The following FRAS1 variants were observed in gnomAD, a reference collection of about 807,000 sequenced individuals.
FRAS1 encodes the protein Fraser extracellular matrix complex subunit 1.
Under a neutral mutation model 435.2 loss-of-function variants are expected in FRAS1, and 290 were observed. That is an observed-to-expected ratio of 0.67 (90% confidence interval 0.61 to 0.73). FRAS1 has a LOEUF of 0.73. Ranked by LOEUF, FRAS1 falls within the 30% of genes least tolerant of loss-of-function variation. The probability of loss-of-function intolerance (pLI) is 0.00; values close to 1 mark genes in which losing one functional copy is unlikely to be tolerated. For missense variants in FRAS1, 4,860 were observed against 5,001.5 expected (o/e 0.97, Z 0.85); for synonymous variants, 1,800 against 1,851.0 (o/e 0.97, Z 0.71).
Position 78,540,807 on chromosome 4 carries a change from A to AG in FRAS1, c.11723dup (p.Ser3908ArgfsTer61). Reference sequence around the variant, plus strand: ...GTCACAGACTGGGGCGTCCATTGGCAGTGCCCTGGCTGCAATCATGCTTCT... The same window carrying AG: ...GTCACAGACTGGGGCGTCCATTGGCAGGTGCCCTGGCTGCAATCATGCTTCT... On this transcript the variant is annotated frameshift_variant, in exon 74 of 74. Coordinates refer to ENST00000512123, the MANE Select transcript of FRAS1 (RefSeq NM_025074.7). LOFTEE classifies it high-confidence loss of function. 6.2e-7 allele frequency: 1 copy of AG among 1,613,952 alleles called. No homozygotes were observed. The highest frequency in any genetic ancestry group is 8.5e-7 in the Non-Finnish European group (1 of 1,179,826).
At chr4:78,447,113 G>GT (rs1232729795) in intron 43 of FRAS1, among the ~76,000 whole-genome samples, 6 of 149,978 alleles carry the variant, frequency 4.0e-5, no homozygotes, top group African/African-American at 4.9e-5. Flanking sequence ...AATTTCAGCC[G>GT]TTTTTTTGCT....
At chr4:78,058,876 G>T (rs1308892742) in intron 1 of FRAS1, among the ~76,000 whole-genome samples, 3 of 152,164 alleles carry the variant, frequency 2.0e-5, no homozygotes, top group East Asian at 3.9e-4. Context: ...AAGAGTTTGG[G>T]GTCATGGGAT....
intron 2 of FRAS1, among the ~76,000 whole-genome samples, chr4:78,227,822 G>A (rs538349262): frequency 5.3e-5 from 8 of 152,296 alleles, no homozygotes; most frequent in African/African-American, 1.9e-4. Context: ...GATTTTCAAG[G>A]GCAGCATGTT....
rs189191978 is a variant in FRAS1, at chr4:78,311,707, A to G, written c.1678+3498A>G. Reference sequence around the variant, plus strand: ...CAAGCATAAGGGTTCACTCATCTCCACATCCTTGCCACCACTTGGCATGAT... The same window carrying G: ...CAAGCATAAGGGTTCACTCATCTCCGCATCCTTGCCACCACTTGGCATGAT... On this transcript the variant is annotated intron_variant, in intron 15 of 73. Coordinates refer to ENST00000512123, the MANE Select transcript of FRAS1 (RefSeq NM_025074.7). Among the ~76,000 whole-genome samples, 431 of 152,320 alleles carry G rather than the reference A, an allele frequency of 2.8e-3. 1 individual carries two copies. Among genetic ancestry groups the G allele is most frequent in the African/African-American group, 9.2e-3 (384 of 41,566 alleles).
rs143075147 is a variant in FRAS1 at position 78,369,029 on chromosome 4, G to A, written c.2723-809G>A. On this transcript the variant is annotated intron_variant, in intron 22 of 73. Coordinates refer to ENST00000512123, the MANE Select transcript of FRAS1 (RefSeq NM_025074.7). ...AAATGGATTGCAAGGGGGTCAGAGCGGAGATGGGGAAACCAATTAGGAGGC... is the reference window on the plus strand; with the variant it reads ...AAATGGATTGCAAGGGGGTCAGAGCAGAGATGGGGAAACCAATTAGGAGGC... 6.0e-3 allele frequency among the ~76,000 whole-genome samples: 920 copies of A among 152,346 alleles called. 12 individuals carry two copies. Among genetic ancestry groups the A allele is most frequent in the African/African-American group, 0.02 (852 of 41,574 alleles).
chr4:78,238,416 C>A (rs1724852261), intron 3 of FRAS1, among the ~76,000 whole-genome samples: 1 of 115,796 alleles, frequency 8.6e-6, no homozygotes, highest in Admixed American at 9.6e-5. Context: ...TTATTGTATT[C>A]ATAAAGCATT....
At chr4:78,329,036 A>G (rs1371577104) in intron 18 of FRAS1, among the ~76,000 whole-genome samples, 1 of 152,170 alleles carries the variant, frequency 6.6e-6, no homozygotes, top group East Asian at 1.9e-4. Flanking sequence ...GAGTATGGGA[A>G]GGAAAAACTA....
At chr4:78,267,091 G>A (rs552210207) in intron 8 of FRAS1, 150 bp from the exon 9 acceptor site, 2 of 913,570 alleles carry the variant, frequency 2.2e-6, no homozygotes, top group South Asian at 1.6e-5. Context: ...TAGGAAGAAG[G>A]GTTGAGGTGC....
intron 2 of FRAS1, among the ~76,000 whole-genome samples, chr4:78,074,488 T>C (rs1028986671): frequency 2.8e-4 from 43 of 152,176 alleles, no homozygotes; most frequent in African/African-American, 9.9e-4. Flanking sequence ...AATTCTGTGT[T>C]AGACCCTGTG....
chr4:78,289,650 C>G (rs1727788224), intron 14 of FRAS1, among the ~76,000 whole-genome samples: 2 of 152,184 alleles, frequency 1.3e-5, no homozygotes, highest in Admixed American at 1.3e-4. Flanking sequence ...TTAACATCCC[C>G]TCTTGCCCAT....
chr4:78,326,156 G>C (rs34071836), intron 18 of FRAS1, among the ~76,000 whole-genome samples: 8,423 of 23,904 alleles, frequency 0.35, 784 homozygotes, highest in African/African-American at 0.54. Flanking sequence ...TATAAAGATC[G>C]TCTGGTGGAT....
At chr4:78,535,151 C>G (rs1721842123) in intron 71 of FRAS1, among the ~76,000 whole-genome samples, 1 of 152,200 alleles carries the variant, frequency 6.6e-6, no homozygotes, top group African/African-American at 2.4e-5. Flanking sequence ...CCGACACCAT[C>G]TTGCCTCTCA....
intron 2 of FRAS1, among the ~76,000 whole-genome samples, chr4:78,131,328 A>G (rs1719670105): frequency 1.3e-5 from 2 of 152,166 alleles, no homozygotes; most frequent in Non-Finnish European, 2.9e-5. Flanking sequence ...GATCTACAGT[A>G]TTAGTCTTTT....
At chr4:78,447,300 A>AAC (rs1051327260) in intron 43 of FRAS1, among the ~76,000 whole-genome samples, 2 of 148,094 alleles carry the variant, frequency 1.4e-5, no homozygotes, top group African/African-American at 2.5e-5. Context: ...AAAAAAAAAA[A>AAC]AAAACACTTT....
chr4:78,129,500 T>A (rs983145005), intron 2 of FRAS1, among the ~76,000 whole-genome samples: 1 of 152,004 alleles, frequency 6.6e-6, no homozygotes, highest in Non-Finnish European at 1.5e-5. Context: ...CCCTGATATG[T>A]GAAATTGAAT....
At chr4:78,275,370 G>C (rs1375421405) in intron 9 of FRAS1, among the ~76,000 whole-genome samples, 2 of 152,148 alleles carry the variant, frequency 1.3e-5, no homozygotes, top group African/African-American at 2.4e-5. Context: ...ATGTTAGCTG[G>C]TTATTTTGCT....
At chr4:78,494,865 G>C (rs1335944471) in intron 59 of FRAS1, among the ~76,000 whole-genome samples, 3 of 152,022 alleles carry the variant, frequency 2.0e-5, no homozygotes, top group Non-Finnish European at 4.4e-5. Flanking sequence ...TATACAATCA[G>C]TTTATCAAAA....
chr4:78,219,628 C>A (rs1180736410), intron 2 of FRAS1, among the ~76,000 whole-genome samples: 2 of 152,272 alleles, frequency 1.3e-5, no homozygotes, highest in East Asian at 3.9e-4. Context: ...GTGTAAGATA[C>A]CTGTTTCATC....
chr4:78,535,143 G>A (rs1004597488), intron 71 of FRAS1, among the ~76,000 whole-genome samples: 3 of 152,050 alleles, frequency 2.0e-5, no homozygotes, highest in Non-Finnish European at 4.4e-5. Flanking sequence ...AGCCTCACCC[G>A]ACACCATCTT....
Sources: gnomAD v4.1 joint callset for allele counts (sites outside exome capture counted in the v4.1 genomes callset) on GRCh38, gnomAD v4.1.1 for gene constraint, MANE v1.5 for transcripts, NCBI Gene and HGNC (gene_info 2026-07-23, HGNC 2026-07-21) for gene names.